Variants in GLB1L2 observed in about 807,000 individuals in gnomAD.
GLB1L2 encodes beta-galactosidase-1-like protein 2.
GLB1L2 carries 68 observed loss-of-function variants against 84.1 expected under a neutral mutation model. The ratio of observed to expected loss-of-function variants is 0.81; its 90% confidence interval spans 0.67 to 0.99. GLB1L2 has a LOEUF of 0.99. GLB1L2 is among the 50% of genes least tolerant of loss of function. GLB1L2 has a pLI of 0.00. For missense variants in GLB1L2, 762 were observed against 805.6 expected (o/e 0.95, Z 0.66); for synonymous variants, 290 against 318.0 (o/e 0.91, Z 0.94).
At position 134,373,719 on chromosome 11, in the gene GLB1L2, A is replaced by G. The variant is rs937623698; in HGVS notation, c.1508-2A>G. 1 of 1,606,326 alleles carries G rather than the reference A, an allele frequency of 6.2e-7. No homozygotes were observed. The highest frequency in any genetic ancestry group is 1.7e-5 in the Admixed American group (1 of 59,660). On this transcript the variant is annotated splice_acceptor_variant, in intron 15 of 18. Coordinates refer to ENST00000535456, the MANE Select transcript of GLB1L2 (RefSeq NM_001370461.1). LOFTEE classifies it high-confidence loss of function. ...CCCACGTGTCCTGCCTCCCTCCCACAGGCTTAATTGGAAATCTCTATCTGA... is the reference window on the plus strand; with the variant it reads ...CCCACGTGTCCTGCCTCCCTCCCACGGGCTTAATTGGAAATCTCTATCTGA...
chr11:134,373,604 G>A (rs753359459), intron 15 of GLB1L2, 117 bp from the exon 16 acceptor site: 140 of 688,004 alleles, frequency 2.0e-4, no homozygotes, highest in Non-Finnish European at 3.2e-4. Context: ...GCTTCTCAGG[G>A]AGCGTACACT....
intron 4 of GLB1L2, 72 bp from the exon 5 acceptor site, chr11:134,347,253 G>A (rs117883178): frequency 0.016 from 17,476 of 1,092,188 alleles, 197 homozygotes; most frequent in Middle Eastern, 0.024. Context: ...CCCTTCTCAC[G>A]CATCAACAGC....
rs149157884 is a variant in GLB1L2 at position 134,374,769 on chromosome 11, C to A, written c.1824+51C>A. On this transcript the variant is annotated intron_variant, in intron 18 of 18. Transcript: ENST00000535456. ...TCCCCATGACGCCCTGCCCACCTGC[C>A]GTCCCAGGGAGCCTTCGGTCAGGGT... 3,018 of 1,462,678 alleles carry A rather than the reference C, an allele frequency of 2.1e-3. 5 individuals are homozygous for A. Among genetic ancestry groups the A allele is most frequent in the Non-Finnish European group, 2.4e-3 (2,555 of 1,044,218 alleles). 90.6% of individuals were successfully genotyped at this position (1,462,678 alleles called of 1,614,324 possible). A position where few individuals can be genotyped will look rare whatever the true frequency, so the allele number is the denominator to read the frequency against.
chr11:134,376,240 T>C lies in GLB1L2; in HGVS notation c.*1182T>C. On this transcript the variant is annotated 3_prime_UTR_variant, in exon 19 of 19. Coordinates refer to ENST00000535456, the MANE Select transcript of GLB1L2 (RefSeq NM_001370461.1). ...CCTTCGAAGTGTGTCCAAGTCCGCA[T>C]TTGAGCCTTGTTCTGGGGCCCAGCC... 6.8e-6 allele frequency: 1 copy of C among 146,906 alleles called. No individual in the cohort carries two copies. Among genetic ancestry groups the C allele is most frequent in the East Asian group, 2.0e-4 (1 of 5,004 alleles). The allele number at this position is 146,906 out of a possible 1,614,324, so 9.1% of individuals were successfully genotyped here.
chr11:134,335,874 CTG>C (rs1454429779), intron 1 of GLB1L2, among the ~76,000 whole-genome samples: 1 of 152,176 alleles, frequency 6.6e-6, no homozygotes, highest in African/African-American at 2.4e-5. Flanking sequence ...GAAAAGGACT[CTG>C]GGGTCTAGGC....
intron 1 of GLB1L2, among the ~76,000 whole-genome samples, chr11:134,341,738 GGCGAT>G (rs1943465280): frequency 6.6e-6 from 1 of 152,312 alleles, no homozygotes; most frequent in African/African-American, 2.4e-5. Flanking sequence ...CCAAGAGGCT[GGCGAT>G]GTCCGAGCTG....
chr11:134,371,525 G>GC, intron 14 of GLB1L2, 33 bp downstream of exon 14: 1 of 1,307,954 alleles, frequency 7.6e-7, no homozygotes, highest in Non-Finnish European at 1.1e-6. Context: ...GTGATGGCTA[G>GC]CCCCCGCTGC....
intron 10 of GLB1L2, 110 bp downstream of exon 10, chr11:134,368,891 A>G (rs1943902483): frequency 6.1e-6 from 7 of 1,141,476 alleles, no homozygotes; most frequent in Non-Finnish European, 7.5e-6. Context: ...TGTCTTTGGC[A>G]ATAGAGTACC....
chr11:134,369,003 CTT>C (rs1943904100), intron 10 of GLB1L2, among the ~76,000 whole-genome samples: 1 of 152,148 alleles, frequency 6.6e-6, no homozygotes, highest in Non-Finnish European at 1.5e-5. Flanking sequence ...AGAGAGGCCT[CTT>C]TGGCAAAGGT....
chr11:134,344,145 C>T (rs1025788691), intron 2 of GLB1L2, among the ~76,000 whole-genome samples: 27 of 152,298 alleles, frequency 1.8e-4, no homozygotes, highest in African/African-American at 5.1e-4. Flanking sequence ...GGGGTCAGAG[C>T]GCCTGACCTT....
Position 134,359,058 on chromosome 11 carries a change from A to G in GLB1L2, c.652-2A>G, listed in dbSNP as rs766502573. 1.3e-6 allele frequency: 2 copies of G among 1,585,152 alleles called. No individual in the cohort carries two copies. The highest frequency in any genetic ancestry group is 1.2e-5 in the South Asian group (1 of 86,446). ...CGAGGGCTTGTCTCATTTCCCCCAC[A>G]GGCACTGGAGGACCGTGGCATTGTG... On this transcript the variant is annotated splice_acceptor_variant, in intron 6 of 18. Coordinates refer to ENST00000535456, the MANE Select transcript of GLB1L2 (RefSeq NM_001370461.1). LOFTEE classifies it high-confidence loss of function.
chr11:134,342,818 G>T lies in GLB1L2; in HGVS notation c.151G>T (p.Gly51Cys). 1 of 1,614,070 alleles carries T rather than the reference G, an allele frequency of 6.2e-7. No homozygotes were observed. Among genetic ancestry groups the T allele is most frequent in the African/African-American group, 1.3e-5 (1 of 75,060 alleles). The change falls in exon 2 of 19, where the codon GGC (glycine) becomes TGC (cysteine). Residue 51 changes from glycine (G) to cysteine (C), a missense_variant. By Grantham distance (159) the Gly-to-Cys change is radical. Around this residue, in one of 3 missense-constraint regions of GLB1L2, gnomAD observed 100 missense variants for 88.8 expected, o/e 1.13. Coordinates refer to ENST00000535456, the MANE Select transcript of GLB1L2 (RefSeq NM_001370461.1). ...RHRQLGLQAKGWNFMLEDSTF... is the reference protein window; with the variant it reads ...RHRQLGLQAKCWNFMLEDSTF... ...TCGACAGCTGGGGCTGCAGGCCAAGGGCTGGAACTTCATGCTGGAGGATTC... is the reference window on the plus strand; with the variant it reads ...TCGACAGCTGGGGCTGCAGGCCAAGTGCTGGAACTTCATGCTGGAGGATTC...
rs1362582971 is a variant in GLB1L2, at chr11:134,334,395, C to T, written c.86+2248C>T. On this transcript the variant is annotated intron_variant, in intron 1 of 18. Transcript: ENST00000535456. This position sits in a 1 kb window ranked among gnomAD's most constrained non-coding sequence, Gnocchi z 4.1. Reference sequence around the variant, plus strand: ...ACGGTCAGTCATAGCTGGTGGGTTACATCATATCAAAAGACTAGGATGACC... The same window carrying T: ...ACGGTCAGTCATAGCTGGTGGGTTATATCATATCAAAAGACTAGGATGACC... 6.6e-6 allele frequency among the ~76,000 whole-genome samples: 1 copy of T among 152,074 alleles called. No individual in the cohort carries two copies. The highest frequency in any genetic ancestry group is 2.4e-5 in the African/African-American group (1 of 41,372).
chr11:134,362,450 G>C (rs1415811191), intron 7 of GLB1L2, among the ~76,000 whole-genome samples: 1 of 152,182 alleles, frequency 6.6e-6, no homozygotes. Flanking sequence ...AGAGGCTCTC[G>C]GCTGCCACTC....
chr11:134,342,531 C>T (rs537909301), intron 1 of GLB1L2, among the ~76,000 whole-genome samples: 1 of 152,308 alleles, frequency 6.6e-6, no homozygotes, highest in East Asian at 1.9e-4. Flanking sequence ...GAGTGCTGTG[C>T]TTGCTGCCGG....
At position 134,334,542 on chromosome 11, in the gene GLB1L2, A is replaced by C. The variant is rs1943352238; in HGVS notation, c.86+2395A>C. The stretch of plus-strand genomic sequence containing the variant: ...GTTTAATTAATATGTACAATTTGAT[A>C]AGCTTTGACACATATCTAAATCCAG... On this transcript the variant is annotated intron_variant, in intron 1 of 18. Transcript: ENST00000535456. This position sits in a 1 kb window ranked among gnomAD's most constrained non-coding sequence, Gnocchi z 4.1. 6.6e-6 allele frequency among the ~76,000 whole-genome samples: 1 copy of C among 152,044 alleles called. No individual in the cohort carries two copies. The highest frequency in any genetic ancestry group is 1.5e-5 in the Non-Finnish European group (1 of 68,014).
At chr11:134,359,628 C>G (rs571499071) in intron 7 of GLB1L2, 1 of 153,114 alleles carries the variant, frequency 6.5e-6, no homozygotes, top group South Asian at 2.1e-4. Flanking sequence ...ACTGTTGACT[C>G]CATAATGTGT....
intron 5 of GLB1L2, among the ~76,000 whole-genome samples, chr11:134,354,527 C>A (rs1943676347): frequency 6.6e-6 from 1 of 151,736 alleles, no homozygotes; most frequent in Admixed American, 6.6e-5. Flanking sequence ...TTCATTTCAA[C>A]TTTAGGTGTT....
intron 6 of GLB1L2, among the ~76,000 whole-genome samples, chr11:134,358,123 T>G (rs372739308): frequency 1.3e-5 from 2 of 152,204 alleles, no homozygotes; most frequent in East Asian, 3.9e-4. Flanking sequence ...CAGCAGATGA[T>G]CTCGCTGTCT....
Sources: allele counts gnomAD v4.1 joint callset (sites outside exome capture counted in the v4.1 genomes callset), GRCh38; gene constraint gnomAD v4.1.1; regional missense constraint gnomAD v4.1.1; non-coding constraint Gnocchi (gnomAD v3.1); transcripts MANE v1.5; gene names NCBI Gene and HGNC (gene_info 2026-07-23, HGNC 2026-07-21).